MTOR: variants seen among roughly 807,000 people sequenced by gnomAD.
MTOR encodes the protein mechanistic target of rapamycin kinase, also known as serine/threonine-protein kinase mTOR.
MTOR carries 70 observed loss-of-function variants against 319.8 expected under a neutral mutation model. The ratio of observed to expected loss-of-function variants is 0.22; its 90% CI spans 0.18 to 0.27. MTOR has a LOEUF of 0.27. MTOR is among the 10% of genes least tolerant of loss of function. The pLI is 1.00. For missense variants in MTOR, 1,890 were observed against 3,274.4 expected, an observed-to-expected ratio of 0.58 and a Z score of 10.32; for synonymous variants, 1,183 against 1,211.4, an observed-to-expected ratio of 0.98 and a Z score of 0.49.
At chr1:11,184,681 T>C (rs1421743892) in intron 28 of MTOR, among the ~76,000 whole-genome samples, 2 of 152,086 alleles carry the variant, frequency 1.3e-5, no homozygotes, top group Admixed American at 6.6e-5. Context: ...CAGTAAGCTA[T>C]ATGATTGCAC....
chr1:11,179,575 C>T (rs185938162), intron 28 of MTOR, among the ~76,000 whole-genome samples: 1 of 152,342 alleles, frequency 6.6e-6, no homozygotes, highest in Non-Finnish European at 1.5e-5. Flanking sequence ...TCTTACAATT[C>T]CTCGCTGATG....
chr1:11,139,209 ACTGTTTCTTTT>A (rs1643571057), intron 36 of MTOR, 84 bp downstream of exon 36: 1 of 1,486,628 alleles, frequency 6.7e-7, no homozygotes, highest in Non-Finnish European at 9.0e-7. Context: ...TGGTTTAAAC[ACTGTTTCTTTT>A]CTGGCCTTAA....
At chr1:11,124,435 G>A (rs2100380240) in intron 47 of MTOR, 63 bp downstream of exon 47, 1 of 1,575,970 alleles carries the variant, frequency 6.3e-7, no homozygotes, top group Non-Finnish European at 8.7e-7. Context: ...GACTACACGA[G>A]ACAAATGTAG....
At chr1:11,214,192 T>G (rs891759985) in intron 20 of MTOR, among the ~76,000 whole-genome samples, 17 of 152,210 alleles carry the variant, frequency 1.1e-4, no homozygotes, top group Non-Finnish European at 7.3e-5. Context: ...TTACAAATAT[T>G]TCCTGGCTTT....
intron 25 of MTOR, among the ~76,000 whole-genome samples, chr1:11,206,030 C>T (rs545631626): frequency 2.0e-5 from 3 of 152,284 alleles, no homozygotes; most frequent in African/African-American, 4.8e-5. Context: ...TGTCAAAAAC[C>T]GAAGCAGAAA....
chr1:11,244,084 G>A lies in MTOR; in HGVS notation c.1226-784C>T, dbSNP rs554951916. Reference sequence around the variant, plus strand: ...AAGGCAGGAGGATCACCTGAGGTCAGGAGTTTGAAACCAGCCTAACCAACA... The same window carrying A: ...AAGGCAGGAGGATCACCTGAGGTCAAGAGTTTGAAACCAGCCTAACCAACA... On this transcript the variant is annotated intron_variant, in intron 8 of 57. Transcript: ENST00000361445. Among the ~76,000 whole-genome samples, 31 of 152,108 alleles carry A rather than the reference G, an allele frequency of 2.0e-4. 1 individual carries two copies. Among genetic ancestry groups the A allele is most frequent in the Admixed American group, 2.0e-3 (30 of 15,292 alleles).
At chr1:11,146,901 A>G in intron 31 of MTOR, 110 bp from the exon 32 acceptor site, 2 of 741,954 alleles carry the variant, frequency 2.7e-6, no homozygotes, top group South Asian at 3.3e-5. Context: ...TTGGGATATA[A>G]ACAAGACAAA....
rs139867975 is a variant in MTOR at position 11,228,150 on chromosome 1, G to A, written c.3030+518C>T. On this transcript the variant is annotated intron_variant, in intron 19 of 57. Transcript: ENST00000361445. ...CAACCGGACTGAACTCTAGATTACT[G>A]AGAATGACAATGCTTTTCCTCCCCC... is the stretch of plus-strand genomic sequence containing the variant. 2.0e-5 allele frequency among the ~76,000 whole-genome samples: 3 copies of A among 151,964 alleles called. 1 individual carries two copies. The highest frequency in any genetic ancestry group is 7.2e-5 in the African/African-American group (3 of 41,424).
At chr1:11,191,396 G>A (rs774482920) in intron 28 of MTOR, among the ~76,000 whole-genome samples, 1 of 152,130 alleles carries the variant, frequency 6.6e-6, no homozygotes, top group African/African-American at 2.4e-5. Context: ...CTCTGCAAGA[G>A]AACCTATGTG....
At chr1:11,219,598 A>C (rs374892222) in intron 19 of MTOR, among the ~76,000 whole-genome samples, 1 of 152,184 alleles carries the variant, frequency 6.6e-6, no homozygotes, top group Non-Finnish European at 1.5e-5. Context: ...CGAAATTATA[A>C]AACACGTGAG....
chr1:11,175,671 C>T lies in MTOR; in HGVS notation c.4254-8154G>A, dbSNP rs1350709567. ...CCGGCAAAGGCCCTGTCAGGAGTGA[C>T]GGTAGAGCAGCTCACGTGGGCAGTG... On this transcript the variant is annotated intron_variant, in intron 28 of 57. Coordinates refer to ENST00000361445, the MANE Select transcript of MTOR (RefSeq NM_004958.4). Among the ~76,000 whole-genome samples, 7 of 152,058 alleles carry T rather than the reference C, an allele frequency of 4.6e-5. No homozygotes were observed. In the South Asian group the frequency reaches 1.3e-3, roughly 27 times the overall value.
In MTOR at chr1:11,127,547, A is replaced by G; in HGVS notation, c.6216+77T>C. On this transcript the variant is annotated intron_variant, in intron 44 of 57. Transcript: ENST00000361445. This position sits in a 1 kb window ranked among gnomAD's most constrained non-coding sequence, Gnocchi z 5.5. Reference sequence around the variant, plus strand: ...GGTCACGTCCTTTCATTCTATAAAAACTTTTCTCATTTCATTTTTTTTTAG... The same window carrying G: ...GGTCACGTCCTTTCATTCTATAAAAGCTTTTCTCATTTCATTTTTTTTTAG... The G allele has an allele frequency of 6.7e-7, 1 of 1,496,614 alleles. No homozygotes were observed. The highest frequency in any genetic ancestry group is 9.0e-7 in the Non-Finnish European group (1 of 1,115,346). 92.7% of individuals were successfully genotyped at this position (1,496,614 alleles called of 1,614,324 possible).
chr1:11,233,556 T>A, intron 14 of MTOR, 69 bp from the exon 15 acceptor site: 2 of 1,226,866 alleles, frequency 1.6e-6, no homozygotes, highest in Non-Finnish European at 2.4e-6. Flanking sequence ...TTTATATAAG[T>A]AAAATTCACC....
intron 34 of MTOR, 116 bp from the exon 35 acceptor site, chr1:11,139,774 C>T: frequency 1.5e-6 from 2 of 1,292,244 alleles, no homozygotes; most frequent in Non-Finnish European, 2.1e-6. Context: ...TCACTGCAAC[C>T]TCTGCCTCCC....
chr1:11,228,039 A>G (rs1228406060), intron 19 of MTOR, among the ~76,000 whole-genome samples: 1 of 152,096 alleles, frequency 6.6e-6, no homozygotes, highest in Non-Finnish European at 1.5e-5. Context: ...CCTGTGTAGT[A>G]TTTTCACTAA....
chr1:11,257,727 A>G (rs1318186084), intron 3 of MTOR, among the ~76,000 whole-genome samples: 4 of 152,194 alleles, frequency 2.6e-5, no homozygotes, highest in Non-Finnish European at 5.9e-5. Flanking sequence ...TCATGCTAGT[A>G]TAATTTTCTC....
In MTOR at chr1:11,133,323, G is replaced by A; in HGVS notation, c.5247-126C>T. The A allele has an allele frequency of 1.2e-6, 1 of 810,916 alleles. No homozygotes were observed. The highest frequency in any genetic ancestry group is 2.0e-6 in the Non-Finnish European group (1 of 500,216). 50.2% of individuals were successfully genotyped at this position (810,916 alleles called of 1,614,324 possible). A position where few individuals can be genotyped will look rare whatever the true frequency, so the allele number is the denominator to read the frequency against. ...TCCTCTTATTCTCAAGAGGCAATGTGAAGGAGCTAGCAAAATTTTCAGCCA... is the reference window on the plus strand; with the variant it reads ...TCCTCTTATTCTCAAGAGGCAATGTAAAGGAGCTAGCAAAATTTTCAGCCA... On this transcript the variant is annotated intron_variant, in intron 37 of 57. Transcript: ENST00000361445. The surrounding 1 kb of genome is among the most constrained non-coding windows in gnomAD (Gnocchi z 4.0).
At chr1:11,217,541 C>CA (rs1289555690) in intron 19 of MTOR, among the ~76,000 whole-genome samples, 2 of 151,610 alleles carry the variant, frequency 1.3e-5, no homozygotes, top group African/African-American at 4.8e-5. Flanking sequence ...GCTGGGACTA[C>CA]AGGCGCCCGC....
chr1:11,189,780 CAAG>C (rs1557822300), intron 28 of MTOR: 3 of 1,614,184 alleles, frequency 1.9e-6, no homozygotes, highest in South Asian at 2.2e-5. Flanking sequence ...GTGAACTGAA[CAAG>C]AAGCAGGAGA....
Sources: gnomAD v4.1 joint callset for allele counts (sites outside exome capture counted in the v4.1 genomes callset) on GRCh38, gnomAD v4.1.1 for gene constraint, Gnocchi (gnomAD v3.1) non-coding constraint, MANE v1.5 for transcripts, NCBI Gene and HGNC (gene_info 2026-07-23, HGNC 2026-07-21) for gene names.